DAB1: variants seen among roughly 807,000 people sequenced by gnomAD.
The protein encoded by DAB1 is disabled homolog 1.
In DAB1, 15 loss-of-function variants were observed where a neutral mutation model predicts 64.6. The ratio of observed to expected loss-of-function variants is 0.23; its 90% CI spans 0.16 to 0.36. DAB1 has a LOEUF of 0.36. Ranked by LOEUF, DAB1 falls within the 10% of genes least tolerant of loss-of-function variation. The pLI, the probability that DAB1 is intolerant of heterozygous loss-of-function variation, is 1.00. For missense variants in DAB1, 596 were observed against 706.7 expected (o/e 0.84, Z 1.78); for synonymous variants, 235 against 251.9 (o/e 0.93, Z 0.64).
chr1:58,391,134 T>G (rs1644472519), intron 3 of DAB1, among the ~76,000 whole-genome samples: 1 of 152,080 alleles, frequency 6.6e-6, no homozygotes, highest in Non-Finnish European at 1.5e-5. Flanking sequence ...AAAGCAGAAG[T>G]GGCAACCCAG....
At chr1:57,751,852 A>ATAAC (rs1305168312) in intron 6 of DAB1, among the ~76,000 whole-genome samples, 1 of 152,146 alleles carries the variant, frequency 6.6e-6, no homozygotes, top group Non-Finnish European at 1.5e-5. Flanking sequence ...AAATAAATAA[A>ATAAC]TAAATAAGAC....
intron 5 of DAB1, among the ~76,000 whole-genome samples, chr1:58,130,939 G>A (rs1438300403): frequency 3.0e-4 from 45 of 148,456 alleles, no homozygotes; most frequent in African/African-American, 1.1e-3. Context: ...ATGTGTCTTG[G>A]AGTTGCTCTT....
intron 5 of DAB1, among the ~76,000 whole-genome samples, chr1:57,979,958 A>G (rs180927982): frequency 6.6e-6 from 1 of 152,280 alleles, no homozygotes; most frequent in Non-Finnish European, 1.5e-5. Context: ...GGACTTGTTC[A>G]TATCTTGAGT....
intron 7 of DAB1, among the ~76,000 whole-genome samples, chr1:57,604,399 A>T (rs1353683817): frequency 2.2e-5 from 3 of 133,646 alleles, no homozygotes; most frequent in African/African-American, 5.6e-5. Context: ...TGCTTGTTTT[A>T]TTATAAAAGA....
chr1:58,396,138 G>T (rs760170615), intron 3 of DAB1, among the ~76,000 whole-genome samples: 65 of 151,610 alleles, frequency 4.3e-4, no homozygotes, highest in Non-Finnish European at 7.8e-4. Flanking sequence ...GGAGGGGAGG[G>T]GGGGATGGAA....
chr1:58,545,106 G>A (rs546670880), intron 1 of DAB1, among the ~76,000 whole-genome samples: 1 of 151,962 alleles, frequency 6.6e-6, no homozygotes, highest in Non-Finnish European at 1.5e-5. Context: ...ACTTCTCCAG[G>A]CACCTTCCCC....
In DAB1 at chr1:57,270,930, G is replaced by T. The variant is rs150403896; in HGVS notation, c.67+20034C>A. ...CCCAGACCATCATCTGTAATGAGCA[G>T]GGACTGGGGTGGGTGAGGGAGTGTG... On this transcript the variant is annotated intron_variant, in intron 2 of 14. Coordinates refer to ENST00000371236, the MANE Select transcript of DAB1 (RefSeq NM_001365792.1). Among the ~76,000 whole-genome samples the T allele has an allele frequency of 6.6e-5, 10 of 152,316 alleles. 1 individual carries two copies. The highest frequency in any genetic ancestry group is 1.9e-4 in the African/African-American group (8 of 41,584).
At chr1:58,018,823 A>G (rs994313120) in intron 5 of DAB1, among the ~76,000 whole-genome samples, 3 of 152,330 alleles carry the variant, frequency 2.0e-5, no homozygotes, top group South Asian at 2.1e-4. Flanking sequence ...TAAAACTCCT[A>G]TGGGTAAGAT....
chr1:57,489,472 A>G (rs1259515254), intron 7 of DAB1, among the ~76,000 whole-genome samples: 1 of 152,186 alleles, frequency 6.6e-6, no homozygotes, highest in Admixed American at 6.5e-5. Context: ...ACTGTCTTCA[A>G]AAGATCCATT....
chr1:57,217,114 T>C (rs1666483214), intron 2 of DAB1, among the ~76,000 whole-genome samples: 1 of 152,210 alleles, frequency 6.6e-6, no homozygotes, highest in Non-Finnish European at 1.5e-5. Flanking sequence ...ATGGCACAGA[T>C]AACGATATTG....
chr1:57,525,823 G>C (rs531094087), intron 7 of DAB1, among the ~76,000 whole-genome samples: 6 of 152,212 alleles, frequency 3.9e-5, no homozygotes, highest in East Asian at 1.9e-4. Context: ...AGGAACAAAA[G>C]CTGGGGGAAC....
chr1:58,446,776 G>C (rs573695725), intron 3 of DAB1, among the ~76,000 whole-genome samples: 13 of 152,296 alleles, frequency 8.5e-5, no homozygotes, highest in African/African-American at 3.1e-4. Flanking sequence ...GTGGATAAGA[G>C]AGAACTAAGG....
chr1:57,244,563 A>T (rs1173840641), intron 2 of DAB1, among the ~76,000 whole-genome samples: 1 of 152,228 alleles, frequency 6.6e-6, no homozygotes, highest in Non-Finnish European at 1.5e-5. Context: ...CTGTCTTGAG[A>T]CATGCAGGAT....
chr1:58,040,289 T>G (rs191646473), intron 5 of DAB1, among the ~76,000 whole-genome samples: 4 of 152,192 alleles, frequency 2.6e-5, no homozygotes, highest in Non-Finnish European at 5.9e-5. Flanking sequence ...GCAATCCTGT[T>G]GAAAGCATGA....
chr1:57,438,880 A>G (rs1451207876), intron 7 of DAB1, among the ~76,000 whole-genome samples: 1 of 152,186 alleles, frequency 6.6e-6, no homozygotes, highest in Non-Finnish European at 1.5e-5. Flanking sequence ...TTACTTTAGC[A>G]TTCATCCTAC....
chr1:57,489,556 C>G (rs191714365), intron 7 of DAB1, among the ~76,000 whole-genome samples: 242 of 152,284 alleles, frequency 1.6e-3, no homozygotes, highest in Non-Finnish European at 3.0e-3. Flanking sequence ...AACAATGACC[C>G]CTGTGGTTCG....
chr1:57,929,321 T>A (rs1026954811), intron 5 of DAB1, among the ~76,000 whole-genome samples: 2 of 152,250 alleles, frequency 1.3e-5, no homozygotes, highest in Non-Finnish European at 2.9e-5. Flanking sequence ...CTTGCATATT[T>A]TGGATAACAA....
chr1:57,475,323 G>A (rs1275280897), intron 7 of DAB1, among the ~76,000 whole-genome samples: 3 of 152,090 alleles, frequency 2.0e-5, no homozygotes, highest in Non-Finnish European at 4.4e-5. Context: ...ACATCAGTCC[G>A]GATGTTGCAC....
intron 1 of DAB1, among the ~76,000 whole-genome samples, chr1:58,531,719 T>C (rs977159951): frequency 8.1e-5 from 12 of 147,902 alleles, no homozygotes; most frequent in African/African-American, 3.1e-4. Flanking sequence ...GATTTATCTT[T>C]TTTTTTTTGA....
Sources: gnomAD v4.1 joint callset for allele counts (sites outside exome capture counted in the v4.1 genomes callset) on GRCh38, gnomAD v4.1.1 for gene constraint, MANE v1.5 for transcripts, NCBI Gene and HGNC (gene_info 2026-07-23, HGNC 2026-07-21) for gene names.